The following DMD variants were observed in gnomAD, a reference collection of about 807,000 sequenced individuals.
DMD encodes the protein mutant dystrophin.
A neutral mutation model predicts 330.1 loss-of-function variants in DMD; 63 were observed. The observed-to-expected ratio is 0.19, with a 90% CI of 0.16 to 0.24. The LOEUF is 0.24. Among genes scored for constraint, DMD ranks in the 10% least tolerant of loss-of-function variants. The probability of loss-of-function intolerance (pLI) is 1.00; values close to 1 mark genes in which losing one functional copy is unlikely to be tolerated. For missense variants in DMD, 3,344 were observed against 2,684.1 expected, an observed-to-expected ratio of 1.25 and a Z score of -5.43; for synonymous variants, 1,223 against 959.8, an observed-to-expected ratio of 1.27 and a Z score of -5.07.
At chrX:31,714,235 T>C (rs926704968) in intron 52 of DMD, among the ~76,000 whole-genome samples, 1 of 111,359 alleles carries the variant, frequency 9.0e-6, no homozygotes, top group Non-Finnish European at 1.9e-5. Context: ...TCACAACTTA[T>C]ATGAGAGATA....
chrX:31,373,997 A>C (rs1270487677), intron 60 of DMD, among the ~76,000 whole-genome samples: 17 of 107,413 alleles, frequency 1.6e-4, no homozygotes, highest in African/African-American at 3.8e-4. Context: ...CAACCCCATC[A>C]AAAAGTGGGC....
At chrX:31,791,035 G>A (rs889172533) in intron 50 of DMD, among the ~76,000 whole-genome samples, 20 of 111,679 alleles carry the variant, frequency 1.8e-4, no homozygotes, top group African/African-American at 5.8e-4. Context: ...AACACTTGAG[G>A]TGGTTGTGGA....
At chrX:32,819,471 C>G (rs1353846103) in intron 5 of DMD, among the ~76,000 whole-genome samples, 1 of 111,226 alleles carries the variant, frequency 9.0e-6, no homozygotes, top group Non-Finnish European at 1.9e-5. Context: ...AAAAGAATTG[C>G]ACTTAAGAAG....
intron 28 of DMD, among the ~76,000 whole-genome samples, chrX:32,439,998 C>G (rs1398750196): frequency 9.0e-6 from 1 of 110,907 alleles, no homozygotes; most frequent in Non-Finnish European, 1.9e-5. Context: ...TTCTCTCTTT[C>G]CTTAACATTC....
At chrX:31,410,054 G>A (rs1022484757) in intron 60 of DMD, among the ~76,000 whole-genome samples, 2 of 111,771 alleles carry the variant, frequency 1.8e-5, no homozygotes, top group Non-Finnish European at 3.8e-5. Flanking sequence ...GTCTGACCTC[G>A]GGTGATCTGC....
intron 1 of DMD, among the ~76,000 whole-genome samples, chrX:33,270,974 CCAAA>C (rs2053144402): frequency 9.0e-6 from 1 of 110,990 alleles, no homozygotes; most frequent in Non-Finnish European, 1.9e-5. Context: ...CTTTTGTCAT[CCAAA>C]CAAAGAACTA....
At chrX:31,359,347 T>G (rs1420124409) in intron 60 of DMD, among the ~76,000 whole-genome samples, 8 of 112,146 alleles carry the variant, frequency 7.1e-5, no homozygotes, top group African/African-American at 2.6e-4. Flanking sequence ...CTTTACTTTC[T>G]TTAAGTCTCC....
chrX:32,172,775 A>G (rs1443015813), intron 44 of DMD, among the ~76,000 whole-genome samples: 5 of 112,103 alleles, frequency 4.5e-5, no homozygotes, highest in Non-Finnish European at 9.4e-5. Flanking sequence ...AACCTTGCTT[A>G]TATAAAGAGG....
intron 2 of DMD, among the ~76,000 whole-genome samples, chrX:32,903,801 G>T (rs998872935): frequency 9.0e-6 from 1 of 111,615 alleles, no homozygotes; most frequent in African/African-American, 3.3e-5. Context: ...AGTGAAGCCA[G>T]GTAGTAAGGA....
chrX:32,612,449 C>T (rs1180265218), intron 12 of DMD, among the ~76,000 whole-genome samples: 1 of 111,523 alleles, frequency 9.0e-6, no homozygotes, highest in Non-Finnish European at 1.9e-5. Flanking sequence ...AATATTTTTT[C>T]AATTATTTCT....
In DMD at chrX:32,085,525, A is replaced by G. The variant is rs773879079; in HGVS notation, c.6439-117011T>C. 5.6e-5 allele frequency among the ~76,000 whole-genome samples: 6 copies of G among 106,864 alleles called. No individual in the cohort carries two copies. In the South Asian group the frequency reaches 1.6e-3, roughly 29 times the overall value. 92.8% of individuals were successfully genotyped at this position (106,864 alleles called of 115,157 possible). ...TTTATACATTATTTGTCTTTCACTTATAAGTGAGAACATGGGGTATCTTTC... is the reference window on the plus strand; with the variant it reads ...TTTATACATTATTTGTCTTTCACTTGTAAGTGAGAACATGGGGTATCTTTC... On this transcript the variant is annotated intron_variant, in intron 44 of 78. Transcript: ENST00000357033.
rs72626042 is a variant in DMD, at chrX:32,480,229, T to C, written c.2803+4690A>G. ...ATGTGTCACCTTACACATGTTAAAA[T>C]TAGAACGGCTACTTTCAAAATGATG... On this transcript the variant is annotated intron_variant, in intron 21 of 78. Transcript: ENST00000357033. Among the ~76,000 whole-genome samples the C allele has an allele frequency of 6.5e-3, 725 of 111,905 alleles. 15 individuals are homozygous for C. The East Asian group carries it at 0.085, about 13-fold the overall frequency.
chrX:31,139,474 TAC>T (rs57784155), intron 76 of DMD, among the ~76,000 whole-genome samples: 6,560 of 98,218 alleles, frequency 0.067, 478 homozygotes, highest in African/African-American at 0.21. Context: ...GGTGTTTATA[TAC>T]ACACACACAC....
At chrX:31,686,943 A>G (rs2082723505) in intron 52 of DMD, among the ~76,000 whole-genome samples, 3 of 111,870 alleles carry the variant, frequency 2.7e-5, no homozygotes, top group South Asian at 7.6e-4. Context: ...AGCGAAAAGT[A>G]AAGAAGACTT....
intron 45 of DMD, among the ~76,000 whole-genome samples, chrX:31,945,007 T>A (rs749398357): frequency 9.0e-6 from 1 of 111,493 alleles, no homozygotes. Context: ...AATTTGCCAA[T>A]GAATTTATTA....
chrX:31,498,551 A>AT (rs1427607170), intron 56 of DMD, among the ~76,000 whole-genome samples: 1 of 111,810 alleles, frequency 8.9e-6, no homozygotes, highest in Non-Finnish European at 1.9e-5. Flanking sequence ...AAACAAATAC[A>AT]TTTTTTGAAT....
chrX:32,736,103 A>T (rs1420619779), intron 7 of DMD, among the ~76,000 whole-genome samples: 1 of 112,340 alleles, frequency 8.9e-6, no homozygotes, highest in Non-Finnish European at 1.9e-5. Context: ...AAAGTGGGCG[A>T]AGGACATGAA....
chrX:33,233,620 T>C (rs1427230150), intron 1 of DMD, among the ~76,000 whole-genome samples: 1 of 112,093 alleles, frequency 8.9e-6, no homozygotes, highest in African/African-American at 3.2e-5. Flanking sequence ...GAAGAACAGA[T>C]TAATGGTTGC....
chrX:32,824,319 C>G (rs1382185462), intron 4 of DMD, among the ~76,000 whole-genome samples: 1 of 111,948 alleles, frequency 8.9e-6, no homozygotes, highest in South Asian at 3.7e-4. Flanking sequence ...GTTCATACTA[C>G]GTTTATTTGT....
Sources: gnomAD v4.1 joint callset for allele counts (sites outside exome capture counted in the v4.1 genomes callset) on GRCh38, gnomAD v4.1.1 for gene constraint, MANE v1.5 for transcripts, NCBI Gene and HGNC (gene_info 2026-07-23, HGNC 2026-07-21) for gene names.